Variants in KIF26B observed in about 807,000 individuals in gnomAD.
The protein encoded by KIF26B is kinesin family member 26B, also known as kinesin-like protein KIF26B.
KIF26B carries 63 observed loss-of-function variants against 151.2 expected under a neutral mutation model. The observed-to-expected ratio is 0.42, with a 90% CI of 0.34 to 0.51. The LOEUF is 0.51. KIF26B is among the 20% of genes least tolerant of loss of function. The pLI is 0.07. For synonymous variants in KIF26B, 1,357 were observed against 1,262.1 expected, an observed-to-expected ratio of 1.08 and a Z score of -1.59; for missense variants, 2,813 against 2,913.6, an observed-to-expected ratio of 0.97 and a Z score of 0.79.
chr1:245,348,865 C>T (rs968034596), intron 2 of KIF26B, among the ~76,000 whole-genome samples: 1 of 152,186 alleles, frequency 6.6e-6, no homozygotes, highest in East Asian at 1.9e-4. Context: ...CGCTTCCCCA[C>T]GATGCCTGCT....
intron 3 of KIF26B, among the ~76,000 whole-genome samples, chr1:245,407,364 A>T (rs1674159348): frequency 6.6e-6 from 1 of 152,140 alleles, no homozygotes; most frequent in Non-Finnish European, 1.5e-5. Context: ...CTCACACTCA[A>T]ACTGACTGAG....
At position 245,198,247 on chromosome 1, in the gene KIF26B, T is replaced by C. The variant is rs144174560; in HGVS notation, c.465+41564T>C. Among the ~76,000 whole-genome samples, 774 of 152,336 alleles carry C rather than the reference T, an allele frequency of 5.1e-3. 7 individuals are homozygous for C. The highest frequency in any genetic ancestry group is 0.016 in the African/African-American group (670 of 41,578). On this transcript the variant is annotated intron_variant, in intron 2 of 14. Coordinates refer to ENST00000407071, the MANE Select transcript of KIF26B (RefSeq NM_018012.4). ...CATGCAGTCTCTGGAGCAGACAGCCTGAGTTCAAATTCCAGATCAGTACTT... is the reference window on the plus strand; with the variant it reads ...CATGCAGTCTCTGGAGCAGACAGCCCGAGTTCAAATTCCAGATCAGTACTT...
chr1:245,398,046 T>A (rs535588466), intron 3 of KIF26B, among the ~76,000 whole-genome samples: 2 of 152,308 alleles, frequency 1.3e-5, no homozygotes, highest in East Asian at 3.9e-4. Context: ...GAGCTTTCCA[T>A]CTTTGGAGAA....
At chr1:245,403,602 T>G (rs1018265305) in intron 3 of KIF26B, among the ~76,000 whole-genome samples, 2 of 143,086 alleles carry the variant, frequency 1.4e-5, no homozygotes, top group African/African-American at 5.4e-5. Context: ...GCATGGGGGG[T>G]GTGTGTCTGC....
intron 10 of KIF26B, among the ~76,000 whole-genome samples, chr1:245,683,083 TA>T (rs1460059039): frequency 1.3e-5 from 2 of 152,200 alleles, no homozygotes; most frequent in African/African-American, 4.8e-5. Flanking sequence ...CTATTGCTCT[TA>T]CCCCACAGTC....
chr1:245,580,365 G>A (rs1158439623), intron 5 of KIF26B, among the ~76,000 whole-genome samples: 3 of 152,222 alleles, frequency 2.0e-5, no homozygotes, highest in African/African-American at 7.2e-5. Flanking sequence ...GTGAGCAGGT[G>A]TTTCCGTTGG....
intron 4 of KIF26B, among the ~76,000 whole-genome samples, chr1:245,438,770 C>A (rs776196974): frequency 6.6e-6 from 1 of 152,104 alleles, no homozygotes; most frequent in Non-Finnish European, 1.5e-5. Flanking sequence ...TGATGGTAAG[C>A]GACGGAAACC....
intron 2 of KIF26B, among the ~76,000 whole-genome samples, chr1:245,308,450 C>T (rs924061173): frequency 1.3e-5 from 2 of 152,198 alleles, no homozygotes; most frequent in Non-Finnish European, 2.9e-5. Context: ...CGTGAAGACA[C>T]GCTCATATGT....
At chr1:245,248,267 T>C (rs570500781) in intron 2 of KIF26B, among the ~76,000 whole-genome samples, 2 of 152,324 alleles carry the variant, frequency 1.3e-5, no homozygotes, top group East Asian at 3.9e-4. Flanking sequence ...GAAGGACTTT[T>C]TGCAGGGAGC....
rs563800470 is a variant in KIF26B, at chr1:245,375,823, C to A, written c.999+8456C>A. ...ACCTGCAGGACAGCAAGAACGTGGGCTTTTCATCTCACACAACAAACCCCG... is the reference window on the plus strand; with the variant it reads ...ACCTGCAGGACAGCAAGAACGTGGGATTTTCATCTCACACAACAAACCCCG... On this transcript the variant is annotated intron_variant, in intron 3 of 14. Transcript: ENST00000407071. This position sits in a 1 kb window ranked among gnomAD's most constrained non-coding sequence, Gnocchi z 4.2. Among the ~76,000 whole-genome samples the A allele has an allele frequency of 6.6e-6, 1 of 152,246 alleles. No homozygotes were observed. The highest frequency in any genetic ancestry group is 2.4e-5 in the African/African-American group (1 of 41,544).
intron 2 of KIF26B, among the ~76,000 whole-genome samples, chr1:245,271,866 A>G (rs894018544): frequency 6.6e-6 from 1 of 152,176 alleles, no homozygotes; most frequent in Non-Finnish European, 1.5e-5. Flanking sequence ...TGCTAGCCTC[A>G]AAAAACAAGT....
intron 4 of KIF26B, among the ~76,000 whole-genome samples, chr1:245,442,451 T>A (rs1350348861): frequency 6.6e-6 from 1 of 152,092 alleles, no homozygotes; most frequent in Non-Finnish European, 1.5e-5. Context: ...AGTGAGGATT[T>A]CTCTGCAAGT....
At chr1:245,661,546 G>A (rs1260938675) in intron 10 of KIF26B, among the ~76,000 whole-genome samples, 4 of 150,122 alleles carry the variant, frequency 2.7e-5, no homozygotes, top group African/African-American at 7.4e-5. Flanking sequence ...TACCCAATAT[G>A]TATATACACC....
intron 5 of KIF26B, among the ~76,000 whole-genome samples, chr1:245,544,186 A>G (rs1165480047): frequency 2.6e-5 from 4 of 152,194 alleles, no homozygotes; most frequent in African/African-American, 4.8e-5. Context: ...ATTTCCATCA[A>G]TTTATCTGTT....
At chr1:245,164,552 C>T (rs181112624) in intron 2 of KIF26B, among the ~76,000 whole-genome samples, 4 of 152,302 alleles carry the variant, frequency 2.6e-5, no homozygotes, top group African/African-American at 9.6e-5. Flanking sequence ...CCACAGGAAA[C>T]GGCAGGCATA....
chr1:245,322,110 C>G (rs1671896826), intron 2 of KIF26B, among the ~76,000 whole-genome samples: 1 of 152,096 alleles, frequency 6.6e-6, no homozygotes, highest in Non-Finnish European at 1.5e-5. Flanking sequence ...TCTCAACAAA[C>G]TAACACAGGA....
chr1:245,442,311 C>T (rs1659124310), intron 4 of KIF26B, among the ~76,000 whole-genome samples: 1 of 152,134 alleles, frequency 6.6e-6, no homozygotes, highest in African/African-American at 2.4e-5. Flanking sequence ...TGTGCATCTT[C>T]TTATACCGGG....
Position 245,186,596 on chromosome 1 carries a change from C to T in KIF26B, c.465+29913C>T, listed in dbSNP as rs182990077. On this transcript the variant is annotated intron_variant, in intron 2 of 14. Coordinates refer to ENST00000407071, the MANE Select transcript of KIF26B (RefSeq NM_018012.4). The stretch of plus-strand genomic sequence containing the variant: ...GTCATGACGTCAGTAGTCCAAACAC[C>T]TGGAGGTTTTAGTCTAACTTCCTTT... Among the ~76,000 whole-genome samples, 13 of 152,296 alleles carry T rather than the reference C, an allele frequency of 8.5e-5. No individual in the cohort carries two copies. The East Asian group carries it at 2.1e-3, about 25-fold the overall frequency.
At chr1:245,662,344 C>A (rs536549799) in intron 10 of KIF26B, among the ~76,000 whole-genome samples, 2 of 142,206 alleles carry the variant, frequency 1.4e-5, no homozygotes, top group South Asian at 4.5e-4. Flanking sequence ...TACACACACA[C>A]CCTATATATA....
Sources: allele counts gnomAD v4.1 joint callset (sites outside exome capture counted in the v4.1 genomes callset), GRCh38; gene constraint gnomAD v4.1.1; non-coding constraint Gnocchi (gnomAD v3.1); transcripts MANE v1.5; gene names NCBI Gene and HGNC (gene_info 2026-07-23, HGNC 2026-07-21).